Variants in SSBP4 observed in about 807,000 individuals in gnomAD.
SSBP4 encodes the protein single-stranded DNA-binding protein 4.
Under a neutral mutation model 64.6 loss-of-function variants are expected in SSBP4, and 33 were observed. That is an observed-to-expected ratio of 0.51 (90% CI 0.39 to 0.68). The LOEUF (loss-of-function observed/expected upper bound fraction) is 0.68. SSBP4 is among the 30% of genes least tolerant of loss of function. The pLI is 0.00. For synonymous variants in SSBP4, 243 were observed against 224.0 expected (o/e 1.08, Z -0.76); for missense variants, 583 against 566.8 (o/e 1.03, Z -0.29).
Position 18,432,338 on chromosome 19 carries a change from C to T in SSBP4, c.704+124C>T, listed in dbSNP as rs564882476. ...TTGGATATTGTTTATTTCATGGCCA[C>T]CGTTGAGGGGAAACTGAGACTTGAA... On this transcript the variant is annotated intron_variant, in intron 10 of 17. Transcript: ENST00000270061. The T allele has an allele frequency of 4.0e-5, 54 of 1,365,486 alleles. No homozygotes were observed. The African/African-American group carries it at 7.2e-4, about 18-fold the overall frequency. 84.6% of individuals were successfully genotyped at this position (1,365,486 alleles called of 1,614,324 possible).
At chr19:18,431,273 C>T in intron 5 of SSBP4, 80 bp from the exon 6 acceptor site, 1 of 616,346 alleles carries the variant, frequency 1.6e-6, no homozygotes, top group African/African-American at 1.9e-5. Flanking sequence ...CACCCCTCTG[C>T]CTCCATGGAG....
intron 5 of SSBP4, 56 bp downstream of exon 5, chr19:18,430,986 G>T (rs965729715): frequency 1.3e-6 from 2 of 1,578,192 alleles, no homozygotes; most frequent in Non-Finnish European, 1.7e-6. Flanking sequence ...ATGCGTTTGA[G>T]GGTGGGGGGG....
chr19:18,419,335 G>A (rs1972255372), upstream of SSBP4: 1 of 1,013,402 alleles, frequency 9.9e-7, no homozygotes, highest in African/African-American at 1.7e-5. Flanking sequence ...TTTAAGAGCT[G>A]CGCCCGCGGG....
rs756027638 is a variant in SSBP4, at chr19:18,432,728, G to A, written c.779G>A (p.Ser260Asn). The A allele has an allele frequency of 1.9e-6, 3 of 1,592,594 alleles. No individual in the cohort carries two copies. In the African/African-American group the frequency reaches 4.0e-5, roughly 21 times the overall value. The part of the protein sequence containing the change: ...SIPYSSSSPG[S>N]YTGPPGGGGP... ...CCCTACTCCTCCTCATCCCCCGGCA[G>A]CTACACCGTAAGTCTGAGCAAAGCT... Residue 260 changes from serine (S) to asparagine (N), a missense_variant, in exon 12 of 18, where the codon AGC becomes AAC. Transcript: ENST00000270061.
At chr19:18,429,216 C>T (rs1193059853) in intron 4 of SSBP4, among the ~76,000 whole-genome samples, 1 of 152,150 alleles carries the variant, frequency 6.6e-6, no homozygotes, top group Non-Finnish European at 1.5e-5. Context: ...CGGCCCCTTC[C>T]TCTCTCGCCC....
At chr19:18,428,051 T>TGGGGGG in intron 4 of SSBP4, 69 bp downstream of exon 4, 1 of 496,560 alleles carries the variant, frequency 2.0e-6, no homozygotes, top group Non-Finnish European at 3.1e-6. Flanking sequence ...GCTGGGGAGG[T>TGGGGGG]GGGGTGGGGG....
upstream of SSBP4, among the ~76,000 whole-genome samples, chr19:18,415,241 C>T (rs143085501): frequency 2.9e-3 from 440 of 152,368 alleles, 4 homozygotes; most frequent in African/African-American, 0.01. Context: ...CTCCCACGCA[C>T]GCACGGCTGG....
intron 8 of SSBP4, 41 bp from the exon 9 acceptor site, chr19:18,431,959 A>G: frequency 6.4e-7 from 1 of 1,554,474 alleles, no homozygotes; most frequent in South Asian, 1.2e-5. Context: ...ACACTGGGGA[A>G]TGGTCCAGGT....
chr19:18,429,474 G>T (rs1568351340), intron 4 of SSBP4, among the ~76,000 whole-genome samples: 1 of 151,960 alleles, frequency 6.6e-6, no homozygotes, highest in Non-Finnish European at 1.5e-5. Flanking sequence ...AGGGGGCGGG[G>T]GGGGGGTGCG....
At chr19:18,409,833 T>C in the SSBP4 span, among the ~76,000 whole-genome samples, 1 of 151,228 alleles carries the variant, frequency 6.6e-6, no homozygotes, top group Admixed American at 6.6e-5. Context: ...TCAGTTTTTG[T>C]TTTTTCTTTC....
the SSBP4 span, among the ~76,000 whole-genome samples, chr19:18,411,992 C>T: frequency 6.6e-6 from 1 of 151,840 alleles, no homozygotes; most frequent in East Asian, 1.9e-4. Flanking sequence ...AGTCAGACCC[C>T]CCACACACAC....
chr19:18,433,986 C>A, intron 17 of SSBP4, 169 bp downstream of exon 17: 3 of 1,176,538 alleles, frequency 2.5e-6, no homozygotes, highest in Non-Finnish European at 3.2e-6. Flanking sequence ...CCCCACCCCC[C>A]ACCACCTCCC....
intron 13 of SSBP4, 23 bp from the exon 14 acceptor site, chr19:18,432,950 G>A (rs1421079752): frequency 1.1e-5 from 18 of 1,614,070 alleles, no homozygotes; most frequent in Non-Finnish European, 1.4e-5. Flanking sequence ...CGTCACACCT[G>A]GCACCCTTCT....
At chr19:18,428,055 G>T in intron 4 of SSBP4, 73 bp downstream of exon 4, 6 of 1,400,452 alleles carry the variant, frequency 4.3e-6, no homozygotes, top group Admixed American at 1.8e-5. Flanking sequence ...GGGAGGTGGG[G>T]TGGGGGGCTG....
At chr19:18,433,380 C>CA in intron 15 of SSBP4, 167 bp downstream of exon 15, 1 of 1,268,502 alleles carries the variant, frequency 7.9e-7, no homozygotes, top group Admixed American at 2.2e-5. Context: ...GAGGGGGATC[C>CA]AGCGACCAAA....
At position 18,432,077 on chromosome 19, in the gene SSBP4, G is replaced by A; in HGVS notation, c.636+7G>A. On this transcript the variant is annotated splice_region_variant and intron_variant, in intron 9 of 17. Transcript: ENST00000270061. ...GGCCAGCGTGGGGCCCCAGGTAAGA[G>A]TGGAGCCCTGGTGGGTGGGGCCTTC... 6.3e-7 allele frequency: 1 copy of A among 1,597,628 alleles called. No homozygotes were observed. Among genetic ancestry groups the A allele is most frequent in the Middle Eastern group, 1.7e-4 (1 of 6,000 alleles).
chr19:18,417,503 C>G (rs1197690728), upstream of SSBP4, among the ~76,000 whole-genome samples: 1 of 152,238 alleles, frequency 6.6e-6, no homozygotes, highest in Non-Finnish European at 1.5e-5. The surrounding 1 kb of genome is among the most constrained non-coding windows in gnomAD (Gnocchi z 5.4). Flanking sequence ...GCCACACCCT[C>G]TCTGTGCCTC....
chr19:18,433,923 G>C, intron 17 of SSBP4, 106 bp downstream of exon 17: 1 of 1,251,922 alleles, frequency 8.0e-7, no homozygotes, highest in Non-Finnish European at 1.0e-6. Flanking sequence ...CCGTGACCGC[G>C]GCGGGCCAGG....
chr19:18,427,710 G>A lies in SSBP4; in HGVS notation c.133-42G>A, dbSNP rs1225194262. The A allele has an allele frequency of 7.8e-6, 12 of 1,548,028 alleles. No individual in the cohort carries two copies. Among genetic ancestry groups the A allele is most frequent in the Non-Finnish European group, 1.1e-5 (12 of 1,142,500 alleles). ...GCACCCTGCTGGGTGGTGGGGCAGG[G>A]TCAGGTAGGGCCACCCCCTCACCAC... is the stretch of plus-strand genomic sequence containing the variant. On this transcript the variant is annotated intron_variant, in intron 2 of 17. Transcript: ENST00000270061. This position sits in a 1 kb window ranked among gnomAD's most constrained non-coding sequence, Gnocchi z 4.4.
Sources: gnomAD v4.1 joint callset for allele counts (sites outside exome capture counted in the v4.1 genomes callset) on GRCh38, gnomAD v4.1.1 for gene constraint, Gnocchi (gnomAD v3.1) non-coding constraint, MANE v1.5 for transcripts, NCBI Gene and HGNC (gene_info 2026-07-23, HGNC 2026-07-21) for gene names.